The following UMAD1 variants were observed in gnomAD, a reference collection of about 807,000 sequenced individuals.
UMAD1 encodes UBAP1-MVB12-associated (UMA)-domain containing protein 1.
Under a neutral mutation model 6.1 loss-of-function variants are expected in UMAD1, and 8 were observed. That is an observed-to-expected ratio of 1.30 (90% CI 0.76 to 2.35). The LOEUF (loss-of-function observed/expected upper bound fraction) is 2.35, where lower values mean the gene tolerates loss of function less well. Ranked by LOEUF, UMAD1 falls within the 30% of genes most tolerant of loss-of-function variation. The probability of loss-of-function intolerance (pLI) is 0.00; values close to 1 mark genes in which losing one functional copy is unlikely to be tolerated. For missense variants in UMAD1, 130 were observed against 78.4 expected (o/e 1.66, Z -2.49); for synonymous variants, 56 against 31.4 (o/e 1.78, Z -2.61).
chr7:7,674,747 G>A (rs1282514349), intron 2 of UMAD1, among the ~76,000 whole-genome samples: 2 of 152,068 alleles, frequency 1.3e-5, no homozygotes, highest in Non-Finnish European at 2.9e-5. Context: ...TGTTAACTCC[G>A]ATTTTAGTTC....
intron 2 of UMAD1, chr7:7,742,107 G>T (rs1457758731): frequency 6.8e-6 from 4 of 590,004 alleles, no homozygotes; most frequent in Non-Finnish European, 3.3e-6. Context: ...TGAAAGTTTG[G>T]CAACATCCAA....
At position 7,727,795 on chromosome 7, in the gene UMAD1, G is replaced by A. The variant is rs370298726; in HGVS notation, c.82+54342G>A. ...CAGACTTCAAGTTCTTCAGCTTTGG[G>A]ACTTGAACTGGCTTCCTTGCTCCTC... On this transcript the variant is annotated intron_variant, in intron 2 of 3. Coordinates refer to ENST00000682710, the MANE Select transcript of UMAD1 (RefSeq NM_001302348.2). 5.3e-5 allele frequency among the ~76,000 whole-genome samples: 8 copies of A among 152,288 alleles called. 1 individual carries two copies. Among genetic ancestry groups the A allele is most frequent in the African/African-American group, 1.9e-4 (8 of 41,554 alleles).
intron 2 of UMAD1, among the ~76,000 whole-genome samples, chr7:7,778,265 T>TGAGAGA (rs1312767168): frequency 8.2e-5 from 9 of 109,478 alleles, no homozygotes; most frequent in South Asian, 6.1e-4. Flanking sequence ...TGTGTGTGTG[T>TGAGAGA]GTGTGTGTGT....
intron 1 of UMAD1, among the ~76,000 whole-genome samples, chr7:7,662,235 G>T (rs965282560): frequency 6.6e-6 from 1 of 152,176 alleles, no homozygotes; most frequent in Non-Finnish European, 1.5e-5. Flanking sequence ...GTGGATCTTA[G>T]CTTGCTGAGC....
rs1004363770 is a variant in UMAD1 at position 7,640,809 on chromosome 7, G to A, written c.-76G>A. On this transcript the variant is annotated 5_prime_UTR_variant, in exon 1 of 4. Coordinates refer to ENST00000682710, the MANE Select transcript of UMAD1 (RefSeq NM_001302348.2). The stretch of plus-strand genomic sequence containing the variant: ...GGTGCTGGTGCGGCGGGGGACTGCG[G>A]GGCCAGCCTCAGGTACCTCGTCTCG... 2.4e-5 allele frequency: 5 copies of A among 205,712 alleles called. No homozygotes were observed. The highest frequency in any genetic ancestry group is 1.2e-4 in the African/African-American group (5 of 42,610). 12.7% of individuals were successfully genotyped at this position (205,712 alleles called of 1,614,324 possible). A position where few individuals can be genotyped will look rare whatever the true frequency, so the allele number is the denominator to read the frequency against.
rs983703152 is a variant in UMAD1 at position 7,822,262 on chromosome 7, G to A, written c.156+20519G>A. On this transcript the variant is annotated intron_variant, in intron 3 of 3. Coordinates refer to ENST00000682710, the MANE Select transcript of UMAD1 (RefSeq NM_001302348.2). The stretch of plus-strand genomic sequence containing the variant: ...AGTCACACTGTATGAAAAAGAGAGA[G>A]GCAGTTGGGTAAATGCTGATAATAA... Among the ~76,000 whole-genome samples the A allele has an allele frequency of 2.6e-5, 4 of 151,990 alleles. No homozygotes were observed. In the East Asian group the frequency reaches 7.7e-4, roughly 29 times the overall value.
chr7:7,780,626 G>T (rs1782325555), intron 2 of UMAD1, among the ~76,000 whole-genome samples: 1 of 152,154 alleles, frequency 6.6e-6, no homozygotes, highest in Non-Finnish European at 1.5e-5. Context: ...ACTCCTTTCA[G>T]TCACTTCATC....
chr7:7,691,667 T>G (rs1780175326), intron 2 of UMAD1, among the ~76,000 whole-genome samples: 1 of 152,242 alleles, frequency 6.6e-6, no homozygotes, highest in Non-Finnish European at 1.5e-5. Context: ...TCTAAAGTTT[T>G]CTTAGAAAGA....
intron 3 of UMAD1, among the ~76,000 whole-genome samples, chr7:7,825,003 G>A (rs1036809187): frequency 1.3e-5 from 2 of 152,024 alleles, no homozygotes; most frequent in African/African-American, 4.8e-5. Context: ...GGTGGTCATG[G>A]GTAGCATTAT....
chr7:7,800,260 T>C (rs1265245582), intron 2 of UMAD1, among the ~76,000 whole-genome samples: 1 of 152,252 alleles, frequency 6.6e-6, no homozygotes, highest in Non-Finnish European at 1.5e-5. Flanking sequence ...ACCTATTGTG[T>C]GCTGGGCCCT....
chr7:7,817,637 C>A (rs1783157726), intron 3 of UMAD1, among the ~76,000 whole-genome samples: 1 of 152,198 alleles, frequency 6.6e-6, no homozygotes, highest in African/African-American at 2.4e-5. Flanking sequence ...TCTTGCCTCT[C>A]TTGTCCAATT....
chr7:7,706,473 C>T (rs1376822181), intron 2 of UMAD1, among the ~76,000 whole-genome samples: 1 of 152,108 alleles, frequency 6.6e-6, no homozygotes, highest in Non-Finnish European at 1.5e-5. Context: ...TATAACAATG[C>T]TAACAATATA....
chr7:7,757,620 A>G (rs948749630), intron 2 of UMAD1, among the ~76,000 whole-genome samples: 6 of 152,232 alleles, frequency 3.9e-5, no homozygotes, highest in African/African-American at 1.2e-4. Flanking sequence ...CATTTTAGAT[A>G]AACAGAAAGC....
intron 2 of UMAD1, among the ~76,000 whole-genome samples, chr7:7,756,390 C>T (rs918462731): frequency 2.0e-5 from 3 of 152,136 alleles, no homozygotes; most frequent in African/African-American, 7.2e-5. Context: ...TCTAGCTTAT[C>T]CTGGCTTAAA....
intron 2 of UMAD1, among the ~76,000 whole-genome samples, chr7:7,678,419 T>G (rs1252729919): frequency 2.8e-5 from 4 of 144,436 alleles, no homozygotes; most frequent in African/African-American, 1.0e-4. Flanking sequence ...TAAAAAAATA[T>G]ATTTATATAT....
chr7:7,788,839 A>G (rs115866117), intron 2 of UMAD1, among the ~76,000 whole-genome samples: 160 of 152,354 alleles, frequency 1.1e-3, no homozygotes, highest in African/African-American at 3.6e-3. Flanking sequence ...AGATTGAAAA[A>G]TGTCCCATCT....
chr7:7,861,893 C>G (rs549775869), intron 3 of UMAD1, among the ~76,000 whole-genome samples: 1 of 152,126 alleles, frequency 6.6e-6, no homozygotes. Context: ...GAAACAGTGG[C>G]AAAGCATACA....
chr7:7,858,965 A>C (rs1784067172), intron 3 of UMAD1, among the ~76,000 whole-genome samples: 1 of 152,168 alleles, frequency 6.6e-6, no homozygotes, highest in Non-Finnish European at 1.5e-5. Context: ...TAAAGAACAC[A>C]ACTCATGTAT....
rs28912693 is a variant in UMAD1, at chr7:7,708,308, T to A, written c.82+34855T>A. On this transcript the variant is annotated intron_variant, in intron 2 of 3. Coordinates refer to ENST00000682710, the MANE Select transcript of UMAD1 (RefSeq NM_001302348.2). The stretch of plus-strand genomic sequence containing the variant: ...TCCCTTTCACCCTTGGTTTACTAGT[T>A]AATGTTGAATAAGCTACTTGTAGAC... Among the ~76,000 whole-genome samples the A allele has an allele frequency of 1.3e-3, 192 of 152,336 alleles. 2 individuals carry two copies. The highest frequency in any genetic ancestry group is 4.5e-3 in the African/African-American group (187 of 41,582).
Sources: allele counts gnomAD v4.1 joint callset (sites outside exome capture counted in the v4.1 genomes callset), GRCh38; gene constraint gnomAD v4.1.1; transcripts MANE v1.5; gene names NCBI Gene and HGNC (gene_info 2026-07-23, HGNC 2026-07-21).